MALRD1: variants seen among roughly 807,000 people sequenced by gnomAD.
MALRD1 encodes the protein MAM and LDL receptor class A domain containing 1.
In MALRD1, 247 loss-of-function variants were observed where a neutral mutation model predicts 242.1. The ratio of observed to expected loss-of-function variants is 1.02; its 90% CI spans 0.92 to 1.13. The LOEUF is 1.13. Ranked by LOEUF, MALRD1 falls within the 50% of genes most tolerant of loss-of-function variation. The pLI, the probability that MALRD1 is intolerant of heterozygous loss-of-function variation, is 0.00. For synonymous variants in MALRD1, 995 were observed against 866.6 expected (o/e 1.15, Z -2.60); for missense variants, 2,989 against 2,533.1 (o/e 1.18, Z -3.86).
At chr10:19,248,804 C>T (rs1418941070) in intron 18 of MALRD1, among the ~76,000 whole-genome samples, 2 of 150,880 alleles carry the variant, frequency 1.3e-5, no homozygotes, top group Admixed American at 6.6e-5. Flanking sequence ...TCTATGGACC[C>T]ATTTAGTATT....
chr10:19,606,640 C>A (rs7077327), intron 34 of MALRD1, among the ~76,000 whole-genome samples: 2 of 152,110 alleles, frequency 1.3e-5, no homozygotes, highest in East Asian at 1.9e-4. Context: ...CAGTGCTAGA[C>A]AGTAGAGTTA....
intron 31 of MALRD1, among the ~76,000 whole-genome samples, chr10:19,518,664 AT>A (rs201258931): frequency 0.11 from 16,538 of 148,546 alleles, 926 homozygotes; most frequent in East Asian, 0.18. Flanking sequence ...TGGTGTGAAC[AT>A]TTTTTTTTTT....
intron 22 of MALRD1, 29 bp downstream of exon 22, chr10:19,324,134 A>AT: frequency 1.3e-6 from 2 of 1,540,726 alleles, no homozygotes; most frequent in South Asian, 2.4e-5. Context: ...CATTTTCTGA[A>AT]TTTTCTCTCT....
At chr10:19,364,017 A>C (rs1845008911) in intron 26 of MALRD1, among the ~76,000 whole-genome samples, 1 of 152,100 alleles carries the variant, frequency 6.6e-6, no homozygotes, top group South Asian at 2.1e-4. Flanking sequence ...CAAACACAGA[A>C]TCCTAGGGCA....
Position 19,128,287 on chromosome 10 carries a change from T to G in MALRD1, c.1010T>G (p.Leu337Arg). ...TLNHLDSRAY[L>R]NSSVCHCLGK... The stretch of plus-strand genomic sequence containing the variant: ...AACCATTTAGACAGCAGGGCTTACC[T>G]AAATAGCTCTGTGTGTCATTGCCTG... Residue 337 changes from leucine to arginine, a missense_variant, in exon 8 of 40, where the codon CTA becomes CGA. Physicochemically the swap from Leu to Arg is moderately radical, Grantham distance 102. Coordinates refer to ENST00000454679, the MANE Select transcript of MALRD1 (RefSeq NM_001142308.3). 8.1e-7 allele frequency: 1 copy of G among 1,233,526 alleles called. No homozygotes were observed. Among genetic ancestry groups the G allele is most frequent in the African/African-American group, 1.5e-5 (1 of 64,614 alleles). The allele number at this position is 1,233,526 out of a possible 1,614,324, so 76.4% of individuals were successfully genotyped here.
intron 32 of MALRD1, among the ~76,000 whole-genome samples, chr10:19,558,288 T>A (rs534010551): frequency 5.9e-5 from 9 of 152,144 alleles, no homozygotes; most frequent in African/African-American, 1.9e-4. Context: ...TAAATAGGAG[T>A]TGTGAGAGCA....
At chr10:19,635,314 A>T (rs971210532) in intron 36 of MALRD1, among the ~76,000 whole-genome samples, 3 of 152,214 alleles carry the variant, frequency 2.0e-5, no homozygotes, top group African/African-American at 7.2e-5. Context: ...TGATAAAATA[A>T]AAATAATAAG....
chr10:19,618,645 C>G (rs761374540), intron 36 of MALRD1, among the ~76,000 whole-genome samples: 1 of 151,918 alleles, frequency 6.6e-6, no homozygotes, highest in Non-Finnish European at 1.5e-5. Flanking sequence ...CAAAAAATGT[C>G]TTTTCATGTC....
intron 28 of MALRD1, among the ~76,000 whole-genome samples, chr10:19,443,544 G>C (rs1377308435): frequency 6.6e-6 from 1 of 152,180 alleles, no homozygotes; most frequent in Non-Finnish European, 1.5e-5. Context: ...TGGTTTCAAA[G>C]AACATCTTTA....
intron 38 of MALRD1, among the ~76,000 whole-genome samples, chr10:19,703,891 A>G (rs940560202): frequency 6.6e-6 from 1 of 152,108 alleles, no homozygotes; most frequent in South Asian, 2.1e-4. Context: ...CAAGTCTCTG[A>G]CTCAAAAACA....
intron 11 of MALRD1, 106 bp downstream of exon 11, chr10:19,146,450 C>A: frequency 9.8e-7 from 1 of 1,022,038 alleles, no homozygotes; most frequent in Non-Finnish European, 1.3e-6. Flanking sequence ...ATACATGGAA[C>A]TCTGGTTTGT....
At chr10:19,562,698 T>A (rs3864837) in intron 32 of MALRD1, among the ~76,000 whole-genome samples, 132,607 of 152,178 alleles carry the variant, frequency 0.87, 57,816 homozygotes, top group African/African-American at 0.9. Context: ...TAGGAACCAG[T>A]TTGCACAGCA....
intron 29 of MALRD1, among the ~76,000 whole-genome samples, chr10:19,480,720 A>C (rs1836956523): frequency 6.6e-6 from 1 of 152,208 alleles, no homozygotes; most frequent in African/African-American, 2.4e-5. Context: ...TTCTTGTTGC[A>C]TGAGACCATA....
At chr10:19,618,673 TG>T (rs1839274186) in intron 36 of MALRD1, among the ~76,000 whole-genome samples, 1 of 152,104 alleles carries the variant, frequency 6.6e-6, no homozygotes, top group Non-Finnish European at 1.5e-5. Flanking sequence ...CACTTTTCAA[TG>T]GGGTTGTTTG....
intron 33 of MALRD1, among the ~76,000 whole-genome samples, chr10:19,586,209 G>A (rs1386791702): frequency 6.6e-6 from 1 of 152,140 alleles, no homozygotes; most frequent in Non-Finnish European, 1.5e-5. Flanking sequence ...ATCGTCTGAA[G>A]CCTTCTTCTC....
intron 12 of MALRD1, among the ~76,000 whole-genome samples, chr10:19,163,727 C>T (rs1434687026): frequency 6.6e-6 from 1 of 152,090 alleles, no homozygotes; most frequent in Admixed American, 6.5e-5. Context: ...AGTGATTTCA[C>T]CCTCAAAAAT....
Position 19,567,682 on chromosome 10 carries a change from A to G in MALRD1, c.5659A>G (p.Thr1887Ala). 2 of 1,550,458 alleles carry G rather than the reference A, an allele frequency of 1.3e-6. No homozygotes were observed. The highest frequency in any genetic ancestry group is 8.7e-7 in the Non-Finnish European group (1 of 1,146,808). The change falls in exon 33 of 40, where the codon ACC becomes GCC. Residue 1887 changes from threonine to alanine, a missense_variant. Physicochemically the swap from Thr to Ala is moderately conservative, Grantham distance 58. Transcript: ENST00000454679. ...TATTGCTCTTGATGACATCTCTTTTACCCCAGAGTGTGTGACTGGAGGTAA... is the reference window on the plus strand; with the variant it reads ...TATTGCTCTTGATGACATCTCTTTTGCCCCAGAGTGTGTGACTGGAGGTAA... ...IFIALDDISF[T>A]PECVTGGPVP...
intron 26 of MALRD1, among the ~76,000 whole-genome samples, chr10:19,382,656 C>A (rs1489172296): frequency 6.6e-6 from 1 of 152,022 alleles, no homozygotes; most frequent in African/African-American, 2.4e-5. Context: ...GGGCTTTCTT[C>A]TTTATGTACT....
At chr10:19,085,412 G>T (rs972174352) in intron 2 of MALRD1, among the ~76,000 whole-genome samples, 2 of 151,924 alleles carry the variant, frequency 1.3e-5, no homozygotes, top group Non-Finnish European at 2.9e-5. Flanking sequence ...AAAAAATTGT[G>T]ATTGTCACTA....
Sources: gnomAD v4.1 joint callset for allele counts (sites outside exome capture counted in the v4.1 genomes callset) on GRCh38, gnomAD v4.1.1 for gene constraint, MANE v1.5 for transcripts, NCBI Gene and HGNC (gene_info 2026-07-23, HGNC 2026-07-21) for gene names.